PSPH: variants seen among roughly 807,000 people sequenced by gnomAD.
PSPH encodes the protein L-3-phosphoserine phosphatase.
PSPH carries 16 observed loss-of-function variants against 23.4 expected under a neutral mutation model. The ratio of observed to expected loss-of-function variants is 0.68; its 90% confidence interval spans 0.46 to 1.04. PSPH has a LOEUF of 1.04. Ranked by LOEUF, PSPH falls within the 50% of genes least tolerant of loss-of-function variation. PSPH has a pLI of 0.00. For synonymous variants in PSPH, 68 were observed against 99.7 expected (o/e 0.68, Z 1.89); for missense variants, 223 against 273.7 (o/e 0.81, Z 1.31).
intron 3 of PSPH, among the ~76,000 whole-genome samples, chr7:56,030,084 C>T (rs1457029474): frequency 6.6e-6 from 1 of 151,694 alleles, no homozygotes; most frequent in Non-Finnish European, 1.5e-5. Flanking sequence ...GCTGGGATCC[C>T]CAGCACATGC....
chr7:56,015,867 A>G (rs1252631648), intron 6 of PSPH, among the ~76,000 whole-genome samples: 1 of 151,620 alleles, frequency 6.6e-6, no homozygotes, highest in Non-Finnish European at 1.5e-5. Context: ...CACATTGGCC[A>G]GGCTGGTCTC....
intron 1 of PSPH, among the ~76,000 whole-genome samples, chr7:56,049,750 A>AT (rs547473374): frequency 0.039 from 5,702 of 146,542 alleles, 148 homozygotes; most frequent in African/African-American, 0.075. Flanking sequence ...TATTATTATT[A>AT]TTATTTTTTT....
chr7:56,047,802 G>C (rs1793454248), intron 1 of PSPH, among the ~76,000 whole-genome samples: 1 of 151,986 alleles, frequency 6.6e-6, no homozygotes, highest in African/African-American at 2.4e-5. Flanking sequence ...GAGTAACTGG[G>C]ATTACAGGCG....
At chr7:56,026,391 G>A (rs894587842) in intron 3 of PSPH, among the ~76,000 whole-genome samples, 6 of 150,028 alleles carry the variant, frequency 4.0e-5, no homozygotes, top group Admixed American at 1.4e-4. Flanking sequence ...CGGGAGAACC[G>A]CTTGAATCTG....
chr7:56,019,029 A>T (rs1788963498), intron 5 of PSPH, among the ~76,000 whole-genome samples: 1 of 150,902 alleles, frequency 6.6e-6, no homozygotes, highest in African/African-American at 2.4e-5. Flanking sequence ...TGTAGTCCCC[A>T]CTATTAAGGA....
intron 1 of PSPH, among the ~76,000 whole-genome samples, chr7:56,046,251 C>T (rs1203565503): frequency 6.6e-6 from 1 of 152,134 alleles, no homozygotes; most frequent in African/African-American, 2.4e-5. Flanking sequence ...ATTCTCCTGC[C>T]TCAGCCTCCT....
At chr7:56,028,257 C>T (rs1288400505) in intron 3 of PSPH, among the ~76,000 whole-genome samples, 3 of 152,038 alleles carry the variant, frequency 2.0e-5, no homozygotes, top group Non-Finnish European at 4.4e-5. Flanking sequence ...CAAGGTCTCA[C>T]TCTGTTGCCC....
At chr7:56,024,803 T>TG (rs1789960379) in intron 3 of PSPH, among the ~76,000 whole-genome samples, 1 of 91,932 alleles carries the variant, frequency 1.1e-5, no homozygotes, top group Non-Finnish European at 2.5e-5. Flanking sequence ...TATTAATAAA[T>TG]CTTTTTTTTT....
intron 1 of PSPH, among the ~76,000 whole-genome samples, chr7:56,046,853 C>A (rs998447258): frequency 6.6e-6 from 1 of 151,064 alleles, no homozygotes. Flanking sequence ...CTACACCCAG[C>A]TGAAATCTAT....
At chr7:56,033,057 C>G (rs1163503837) in intron 2 of PSPH, 1 of 151,924 alleles carries the variant, frequency 6.6e-6, no homozygotes, top group Non-Finnish European at 1.5e-5. Context: ...ATGAAAGTGA[C>G]AGGGCTATAT....
intron 6 of PSPH, 51 bp downstream of exon 6, chr7:56,017,183 C>T (rs1180857237): frequency 6.2e-7 from 1 of 1,612,174 alleles, no homozygotes; most frequent in South Asian, 1.1e-5. Flanking sequence ...ACCCAGAATA[C>T]TGAACAATGG....
chr7:56,029,060 C>A (rs1790589165), intron 3 of PSPH, among the ~76,000 whole-genome samples: 1 of 152,024 alleles, frequency 6.6e-6, no homozygotes, highest in Non-Finnish European at 1.5e-5. Context: ...AGTGATTCAC[C>A]TGCCTCGGCC....
At chr7:56,028,963 C>T (rs549485728) in intron 3 of PSPH, among the ~76,000 whole-genome samples, 3 of 152,150 alleles carry the variant, frequency 2.0e-5, no homozygotes, top group African/African-American at 7.2e-5. Flanking sequence ...CAGGCGCCTG[C>T]CACCACGCCT....
intron 3 of PSPH, among the ~76,000 whole-genome samples, chr7:56,027,513 C>T (rs1790371224): frequency 6.6e-6 from 1 of 151,744 alleles, no homozygotes; most frequent in Non-Finnish European, 1.5e-5. Flanking sequence ...ATCACAAGGT[C>T]AGGAGTTCGA....
rs1788413009 is a variant in PSPH at position 56,015,191 on chromosome 7, T to C, written c.422-20A>G. 1 of 1,613,098 alleles carries C rather than the reference T, an allele frequency of 6.2e-7. No individual in the cohort carries two copies. The highest frequency in any genetic ancestry group is 8.5e-7 in the Non-Finnish European group (1 of 1,179,344). On this transcript the variant is annotated intron_variant, in intron 6 of 7. Coordinates refer to ENST00000275605, the MANE Select transcript of PSPH (RefSeq NM_004577.4). ...ATTCACCTTAAAAGAGAAATAAAAA[T>C]AGGGTTAAAGACCCAGAGAAGTATC...
chr7:56,038,873 G>C (rs1243998062), intron 1 of PSPH, among the ~76,000 whole-genome samples: 2 of 152,034 alleles, frequency 1.3e-5, no homozygotes, highest in East Asian at 3.9e-4. Flanking sequence ...GCTGGGTGCA[G>C]TGGCTCACAC....
chr7:56,051,415 C>T lies in PSPH; in HGVS notation c.-569G>A, dbSNP rs1794024377. The T allele has an allele frequency of 4.9e-6, 1 of 204,848 alleles. No homozygotes were observed. The highest frequency in any genetic ancestry group is 1.0e-5 in the Non-Finnish European group (1 of 99,594). The allele number at this position is 204,848 out of a possible 1,614,324, so 12.7% of individuals were successfully genotyped here. ...TGTGGCCCCACGGCACCTAGGGCAC[C>T]GTCGAGCACACGGTCCGGGAAGCTC... On this transcript the variant is annotated 5_prime_UTR_variant, in exon 1 of 8. Transcript: ENST00000275605.
At chr7:56,043,785 G>A (rs1792875682) in intron 1 of PSPH, among the ~76,000 whole-genome samples, 1 of 151,714 alleles carries the variant, frequency 6.6e-6, no homozygotes, top group East Asian at 1.9e-4. Context: ...CTGTGATCAT[G>A]CCACTGCACT....
intron 7 of PSPH, among the ~76,000 whole-genome samples, chr7:56,014,125 T>C (rs1024732383): frequency 2.6e-5 from 4 of 152,044 alleles, no homozygotes; most frequent in Non-Finnish European, 5.9e-5. Flanking sequence ...TGAGACTCTA[T>C]CTAAGAAAAA....
Sources: allele counts gnomAD v4.1 joint callset (sites outside exome capture counted in the v4.1 genomes callset), GRCh38; gene constraint gnomAD v4.1.1; transcripts MANE v1.5; gene names NCBI Gene and HGNC (gene_info 2026-07-23, HGNC 2026-07-21).